SIPA1L1: variants seen among roughly 807,000 people sequenced by gnomAD.
The protein encoded by SIPA1L1 is signal-induced proliferation-associated 1-like protein 1.
A neutral mutation model predicts 162.7 loss-of-function variants in SIPA1L1; 26 were observed. That is an observed-to-expected ratio of 0.16 (90% CI 0.12 to 0.22). The LOEUF (loss-of-function observed/expected upper bound fraction) is 0.22. Ranked by LOEUF, SIPA1L1 falls within the 10% of genes least tolerant of loss-of-function variation. SIPA1L1 has a pLI of 1.00. For missense variants in SIPA1L1, 1,874 were observed against 2,241.0 expected (o/e 0.84, Z 3.31); for synonymous variants, 829 against 837.4 (o/e 0.99, Z 0.17).
chr14:71,534,339 A>G (rs558184672), intron 4 of SIPA1L1, among the ~76,000 whole-genome samples: 3 of 152,298 alleles, frequency 2.0e-5, no homozygotes, highest in African/African-American at 4.8e-5. Context: ...GAATTTAACA[A>G]TACTTTATGG....
At position 71,579,680 on chromosome 14, in the gene SIPA1L1, C is replaced by A. The variant is rs371712011; in HGVS notation, c.-302-7891C>A. Among the ~76,000 whole-genome samples, 5 of 152,296 alleles carry A rather than the reference C, an allele frequency of 3.3e-5. No homozygotes were observed. The South Asian group carries it at 8.3e-4, about 25-fold the overall frequency. On this transcript the variant is annotated intron_variant, in intron 4 of 23. Coordinates refer to ENST00000381232, the MANE Select transcript of SIPA1L1 (RefSeq NM_001386936.1). ...TTCTTGGGTGGTATTTCAAAATCTG[C>A]TAAGGGAAATATGCTTACTGTTGAT...
chr14:71,699,181 A>T, intron 14 of SIPA1L1, 54 bp downstream of exon 14: 42 of 1,537,606 alleles, frequency 2.7e-5, no homozygotes, highest in Non-Finnish European at 3.8e-5. Flanking sequence ...CATTTCTTTC[A>T]TCTGTACTCA....
At chr14:71,398,949 A>C (rs943951647) in intron 2 of SIPA1L1, among the ~76,000 whole-genome samples, 1 of 152,262 alleles carries the variant, frequency 6.6e-6, no homozygotes, top group Non-Finnish European at 1.5e-5. Flanking sequence ...GTTTGAATTA[A>C]AGTAAATACA....
intron 7 of SIPA1L1, among the ~76,000 whole-genome samples, chr14:71,645,936 A>G (rs941067800): frequency 1.3e-5 from 2 of 152,196 alleles, no homozygotes; most frequent in African/African-American, 4.8e-5. Context: ...TAATTAGGCA[A>G]TAGTAGAGGT....
At chr14:71,629,572 G>T (rs2040370549) in intron 7 of SIPA1L1, among the ~76,000 whole-genome samples, 1 of 152,118 alleles carries the variant, frequency 6.6e-6, no homozygotes, top group African/African-American at 2.4e-5. Flanking sequence ...AAATAAAATT[G>T]GAATGGGTCT....
intron 7 of SIPA1L1, among the ~76,000 whole-genome samples, chr14:71,641,246 A>G (rs1158232434): frequency 6.6e-6 from 1 of 152,070 alleles, no homozygotes; most frequent in African/African-American, 2.4e-5. Flanking sequence ...TAAGATAAAA[A>G]CAAGGAGTTC....
At chr14:71,451,989 C>T (rs2045862369) in intron 2 of SIPA1L1, among the ~76,000 whole-genome samples, 1 of 152,092 alleles carries the variant, frequency 6.6e-6, no homozygotes, top group Non-Finnish European at 1.5e-5. Flanking sequence ...TATATTTTTG[C>T]TTATATAAAA....
chr14:71,696,341 C>G (rs1597050330), intron 13 of SIPA1L1, among the ~76,000 whole-genome samples: 1 of 152,232 alleles, frequency 6.6e-6, no homozygotes, highest in African/African-American at 2.4e-5. Flanking sequence ...TTAGAACAGG[C>G]ATTGTCCTAA....
chr14:71,505,327 A>G (rs1374591680), intron 2 of SIPA1L1, among the ~76,000 whole-genome samples: 1 of 151,628 alleles, frequency 6.6e-6, no homozygotes, highest in Non-Finnish European at 1.5e-5. Flanking sequence ...GTAGCTTTCT[A>G]AGTTTCTAAA....
chr14:71,382,294 A>G (rs772554514), intron 2 of SIPA1L1, among the ~76,000 whole-genome samples: 1 of 152,226 alleles, frequency 6.6e-6, no homozygotes, highest in Non-Finnish European at 1.5e-5. Context: ...ATTATTGCAT[A>G]AGCCAAGTGT....
At chr14:71,669,078 G>GAA (rs1421248090) in intron 10 of SIPA1L1, among the ~76,000 whole-genome samples, 1 of 152,118 alleles carries the variant, frequency 6.6e-6, no homozygotes. Context: ...TCATTTATTT[G>GAA]AAAAGAGCAT....
At chr14:71,713,946 T>C (rs550409206) in intron 17 of SIPA1L1, among the ~76,000 whole-genome samples, 13 of 152,360 alleles carry the variant, frequency 8.5e-5, no homozygotes, top group Admixed American at 2.6e-4. Context: ...GATGAGAATG[T>C]TATTTTTCTA....
chr14:71,723,695 C>T lies in SIPA1L1; in HGVS notation c.4257C>T (p.Ala1419=). 2 of 1,614,200 alleles carry T rather than the reference C, an allele frequency of 1.2e-6. No homozygotes were observed. The highest frequency in any genetic ancestry group is 1.7e-6 in the Non-Finnish European group (2 of 1,180,046). Residue 1419 remains alanine, a synonymous_variant, in exon 18 of 24, where the codon GCC becomes GCT. Transcript: ENST00000381232. ...HSASPVVFTS[A]RSSPKEELHP... ...CCAGCCCAGTGGTTTTCACCAGTGCCCGGAGTTCACCTAAAGAAGAGCTTC... is the reference window on the plus strand; with the variant it reads ...CCAGCCCAGTGGTTTTCACCAGTGCTCGGAGTTCACCTAAAGAAGAGCTTC...
intron 2 of SIPA1L1, among the ~76,000 whole-genome samples, chr14:71,470,991 C>T (rs978392535): frequency 2.7e-4 from 41 of 152,074 alleles, no homozygotes; most frequent in African/African-American, 8.2e-4. Flanking sequence ...GCACCCACCA[C>T]CACACCCAGC....
intron 12 of SIPA1L1, among the ~76,000 whole-genome samples, chr14:71,681,864 A>G (rs1458305635): frequency 1.3e-5 from 2 of 152,266 alleles, no homozygotes; most frequent in African/African-American, 4.8e-5. Flanking sequence ...ACTGAAAAAC[A>G]GAGTAAGGAG....
chr14:71,551,451 G>A (rs2055819813), intron 4 of SIPA1L1, among the ~76,000 whole-genome samples: 1 of 152,240 alleles, frequency 6.6e-6, no homozygotes, highest in Non-Finnish European at 1.5e-5. Context: ...GCATTCAGCA[G>A]TTATCCCTGA....
chr14:71,612,253 C>T (rs1289281981), intron 5 of SIPA1L1, among the ~76,000 whole-genome samples: 1 of 152,028 alleles, frequency 6.6e-6, no homozygotes, highest in Non-Finnish European at 1.5e-5. Flanking sequence ...CATATCTTGC[C>T]GTGTTGCTTT....
intron 2 of SIPA1L1, among the ~76,000 whole-genome samples, chr14:71,424,469 A>T (rs1164081597): frequency 6.6e-6 from 1 of 151,974 alleles, no homozygotes; most frequent in Non-Finnish European, 1.5e-5. Context: ...TAGTTTATTG[A>T]ATGTTTTTAT....
chr14:71,690,351 A>C (rs1597006102), intron 13 of SIPA1L1, among the ~76,000 whole-genome samples: 1 of 151,934 alleles, frequency 6.6e-6, no homozygotes, highest in East Asian at 1.9e-4. Flanking sequence ...CCATCCTCCC[A>C]CCTCAATCTG....
Sources: gnomAD v4.1 joint callset for allele counts (sites outside exome capture counted in the v4.1 genomes callset) on GRCh38, gnomAD v4.1.1 for gene constraint, MANE v1.5 for transcripts, NCBI Gene and HGNC (gene_info 2026-07-23, HGNC 2026-07-21) for gene names.